SDK1: variants seen among roughly 807,000 people sequenced by gnomAD.
SDK1 encodes the protein protein sidekick-1.
In SDK1, 157 loss-of-function variants were observed where a neutral mutation model predicts 245.5. The observed-to-expected ratio is 0.64, with a 90% confidence interval of 0.56 to 0.73. SDK1 has a LOEUF of 0.73. SDK1 is among the 30% of genes least tolerant of loss of function. The probability of loss-of-function intolerance (pLI) is 0.00; values close to 1 mark genes in which losing one functional copy is unlikely to be tolerated. For missense variants in SDK1, 3,583 were observed against 3,002.3 expected (o/e 1.19, Z -4.52); for synonymous variants, 1,647 against 1,278.5 (o/e 1.29, Z -6.15).
In SDK1 at chr7:4,268,349, C is replaced by A; in HGVS notation, c.*2965C>A. The A allele has an allele frequency of 9.5e-7, 1 of 1,048,872 alleles. No homozygotes were observed. The highest frequency in any genetic ancestry group is 1.2e-6 in the Non-Finnish European group (1 of 866,290). The allele number at this position is 1,048,872 out of a possible 1,614,324, so 65.0% of individuals were successfully genotyped here. On this transcript the variant is annotated 3_prime_UTR_variant, in exon 45 of 45. Transcript: ENST00000404826. Reference sequence around the variant, plus strand: ...GGTGAGCCCAGAGAGAGCTGCCAGGCCACACCCCCTCGGCCTCCTGCACGG... The same window carrying A: ...GGTGAGCCCAGAGAGAGCTGCCAGGACACACCCCCTCGGCCTCCTGCACGG...
intron 1 of SDK1, among the ~76,000 whole-genome samples, chr7:3,566,119 A>C (rs1020734824): frequency 6.6e-6 from 1 of 152,150 alleles, no homozygotes; most frequent in Non-Finnish European, 1.5e-5. Flanking sequence ...TAGAGTTTTT[A>C]TTCTCTTGGA....
chr7:3,326,718 C>T (rs184366574), intron 1 of SDK1, among the ~76,000 whole-genome samples: 58 of 152,140 alleles, frequency 3.8e-4, no homozygotes, highest in African/African-American at 1.3e-3. Context: ...TAAATACATG[C>T]AATGGTAGAG....
chr7:3,370,433 T>G (rs910015734), intron 1 of SDK1, among the ~76,000 whole-genome samples: 11 of 152,220 alleles, frequency 7.2e-5, no homozygotes, highest in African/African-American at 2.4e-4. Flanking sequence ...ATTTCTTCTT[T>G]TATAAAAAGC....
At chr7:3,557,787 G>C (rs1041604127) in intron 1 of SDK1, among the ~76,000 whole-genome samples, 3 of 152,090 alleles carry the variant, frequency 2.0e-5, no homozygotes, top group African/African-American at 7.2e-5. Context: ...CTAGCAGCTT[G>C]TTACTTTAGG....
intron 5 of SDK1, among the ~76,000 whole-genome samples, chr7:3,883,986 C>G (rs536090931): frequency 6.6e-6 from 1 of 152,166 alleles, no homozygotes; most frequent in African/African-American, 2.4e-5. Context: ...AGTCCAAAGT[C>G]CAACCCCCTT....
At chr7:3,439,564 G>A (rs919271411) in intron 1 of SDK1, among the ~76,000 whole-genome samples, 4 of 152,212 alleles carry the variant, frequency 2.6e-5, no homozygotes, top group Admixed American at 2.6e-4. Context: ...GTAAGGGAAT[G>A]CCTCTGTGAG....
At chr7:3,607,106 C>T (rs1383284288) in intron 1 of SDK1, among the ~76,000 whole-genome samples, 3 of 151,888 alleles carry the variant, frequency 2.0e-5, no homozygotes, top group African/African-American at 2.4e-5. Flanking sequence ...TGTGAAGCCC[C>T]TAAACTGGCC....
In SDK1 at chr7:3,980,409, T is replaced by C. The variant is rs186628316; in HGVS notation, c.1994+5864T>C. 2.0e-3 allele frequency among the ~76,000 whole-genome samples: 300 copies of C among 152,340 alleles called. 1 individual carries two copies. The highest frequency in any genetic ancestry group is 7.0e-3 in the African/African-American group (293 of 41,574). On this transcript the variant is annotated intron_variant, in intron 13 of 44. Coordinates refer to ENST00000404826, the MANE Select transcript of SDK1 (RefSeq NM_152744.4). ...GACTCAGCACTGGGCTTCGCTTCCA[T>C]TGTTCTCTGGGACCTCTTCCATTTA...
chr7:3,469,574 G>C (rs900638694), intron 1 of SDK1, among the ~76,000 whole-genome samples: 1 of 152,162 alleles, frequency 6.6e-6, no homozygotes, highest in Non-Finnish European at 1.5e-5. Flanking sequence ...CCTATTCCTA[G>C]GTTGTTTTTG....
intron 1 of SDK1, among the ~76,000 whole-genome samples, chr7:3,438,845 T>C (rs1232803668): frequency 1.6e-5 from 2 of 127,388 alleles, no homozygotes; most frequent in Non-Finnish European, 3.3e-5. Context: ...CCCTTTGTAT[T>C]AATATTTTTT....
rs560253646 is a variant in SDK1, at chr7:3,849,635, A to C, written c.847+28052A>C. On this transcript the variant is annotated intron_variant, in intron 5 of 44. Transcript: ENST00000404826. ...GCCTTATTCTGACTAGTGAATTTCAATTTAGAGCAGGCCAGAGAATTCATT... is the reference window on the plus strand; with the variant it reads ...GCCTTATTCTGACTAGTGAATTTCACTTTAGAGCAGGCCAGAGAATTCATT... Among the ~76,000 whole-genome samples, 11 of 152,318 alleles carry C rather than the reference A, an allele frequency of 7.2e-5. No individual in the cohort carries two copies. The East Asian group carries it at 2.1e-3, about 29-fold the overall frequency.
chr7:3,969,756 TAAG>T (rs796676889), intron 11 of SDK1, among the ~76,000 whole-genome samples: 11 of 152,300 alleles, frequency 7.2e-5, no homozygotes, highest in African/African-American at 2.2e-4. Context: ...ATAAGAAAAT[TAAG>T]AATTAAAATC....
chr7:3,906,294 G>T (rs1778922883), intron 5 of SDK1, among the ~76,000 whole-genome samples: 1 of 151,842 alleles, frequency 6.6e-6, no homozygotes, highest in Non-Finnish European at 1.5e-5. Context: ...AACTTATTTT[G>T]TAGTGTCTCC....
chr7:3,415,391 A>G (rs73034783), intron 1 of SDK1, among the ~76,000 whole-genome samples: 3 of 152,122 alleles, frequency 2.0e-5, no homozygotes, highest in East Asian at 3.8e-4. Flanking sequence ...TAGAGAAGTT[A>G]TATCTATATG....
intron 1 of SDK1, among the ~76,000 whole-genome samples, chr7:3,310,419 C>G (rs7789887): frequency 0.55 from 83,170 of 151,934 alleles, 22,792 homozygotes; most frequent in South Asian, 0.6. Context: ...GCAGCTTGGG[C>G]TAGGTGGTGG....
intron 25 of SDK1, among the ~76,000 whole-genome samples, chr7:4,122,540 C>CATTTCA (rs930981688): frequency 3.5e-4 from 54 of 152,318 alleles, no homozygotes; most frequent in African/African-American, 1.2e-3. Flanking sequence ...CTCGGAGCCA[C>CATTTCA]ATTTCAATGA....
At chr7:3,344,995 G>T (rs150019545) in intron 1 of SDK1, among the ~76,000 whole-genome samples, 35 of 152,248 alleles carry the variant, frequency 2.3e-4, no homozygotes, top group Non-Finnish European at 4.4e-4. Flanking sequence ...AATCTGAATA[G>T]TACCCATCTG....
rs192094942 is a variant in SDK1, at chr7:3,532,284, C to A, written c.299-86796C>A. ...ATTGTTGTTTCTGGTAAGCCAGGAT[C>A]CAGGGAGGCTCAGAGTGAGGGTGTA... is the stretch of plus-strand genomic sequence containing the variant. On this transcript the variant is annotated intron_variant, in intron 1 of 44. Transcript: ENST00000404826. 3.3e-4 allele frequency among the ~76,000 whole-genome samples: 50 copies of A among 152,268 alleles called. No homozygotes were observed. The East Asian group carries it at 8.9e-3, about 27-fold the overall frequency.
chr7:3,492,927 CAA>C (rs1781907521), intron 1 of SDK1, among the ~76,000 whole-genome samples: 1 of 152,076 alleles, frequency 6.6e-6, no homozygotes, highest in East Asian at 1.9e-4. Context: ...GTACTGTATT[CAA>C]AGAGAAGATT....
Sources: allele counts gnomAD v4.1 joint callset (sites outside exome capture counted in the v4.1 genomes callset), GRCh38; gene constraint gnomAD v4.1.1; transcripts MANE v1.5; gene names NCBI Gene and HGNC (gene_info 2026-07-23, HGNC 2026-07-21).